AOAH: variants seen among roughly 807,000 people sequenced by gnomAD.
AOAH encodes acyloxyacyl hydrolase (neutrophil).
Under a neutral mutation model 92.2 loss-of-function variants are expected in AOAH, and 64 were observed. The observed-to-expected ratio is 0.69, with a 90% CI of 0.57 to 0.86. The LOEUF is 0.86. Ranked by LOEUF, AOAH falls within the 40% of genes least tolerant of loss-of-function variation. The probability of loss-of-function intolerance (pLI) is 0.00; values close to 1 mark genes in which losing one functional copy is unlikely to be tolerated. For missense variants in AOAH, 656 were observed against 694.6 expected, an observed-to-expected ratio of 0.94 and a Z score of 0.62; for synonymous variants, 263 against 254.5, an observed-to-expected ratio of 1.03 and a Z score of -0.32.
Position 36,724,022 on chromosome 7 carries a change from C to A in AOAH, c.127G>T (p.Gly43Trp). The change falls in exon 1 of 21, where the codon GGG becomes TGG. Residue 43 changes from glycine to tryptophan, a missense_variant and splice_region_variant. Gly to Trp is a radical substitution (Grantham distance 184, BLOSUM62 -2). Coordinates refer to ENST00000617537, the MANE Select transcript of AOAH (RefSeq NM_001637.4). ...AATACAAAAATATTTATTTGCATAC[C>A]TACACAGGTGTGCCCATTCGAGAGG... The part of the protein sequence containing the change: ...PSLSNGHTCV[G>W]CVLVVSVIEQ... 5 of 1,613,000 alleles carry A rather than the reference C, an allele frequency of 3.1e-6. No homozygotes were observed. The highest frequency in any genetic ancestry group is 4.2e-6 in the Non-Finnish European group (5 of 1,179,396).
chr7:36,596,586 A>G (rs1343217303), intron 11 of AOAH, among the ~76,000 whole-genome samples: 1 of 152,186 alleles, frequency 6.6e-6, no homozygotes, highest in Non-Finnish European at 1.5e-5. Context: ...AAGGCCGTGC[A>G]ATGGTGGAGG....
At chr7:36,578,366 A>C (rs888174194) in intron 12 of AOAH, among the ~76,000 whole-genome samples, 1 of 152,238 alleles carries the variant, frequency 6.6e-6, no homozygotes, top group African/African-American at 2.4e-5. Flanking sequence ...GAAAGTTCTA[A>C]ATTCTATGAA....
At chr7:36,717,751 T>G (rs1285713075) in intron 1 of AOAH, among the ~76,000 whole-genome samples, 1 of 137,502 alleles carries the variant, frequency 7.3e-6, no homozygotes, top group Non-Finnish European at 1.6e-5. Context: ...TTGCTTAGCC[T>G]AGTTTAAGTT....
chr7:36,553,263 T>G (rs1193792601), intron 13 of AOAH, among the ~76,000 whole-genome samples: 2 of 151,936 alleles, frequency 1.3e-5, no homozygotes, highest in African/African-American at 4.8e-5. Context: ...AATGATGATT[T>G]CCAATTTCAT....
chr7:36,540,316 T>C lies in AOAH; in HGVS notation c.1306+3A>G, dbSNP rs1179641767. 2 of 1,608,688 alleles carry C rather than the reference T, an allele frequency of 1.2e-6. No homozygotes were observed. Among genetic ancestry groups the C allele is most frequent in the Non-Finnish European group, 1.7e-6 (2 of 1,176,956 alleles). ...AAGAGTAAAAGAATCTTCAAACTGA[T>C]ACCGAGAGGATGATATCTGTTGTGC... On this transcript the variant is annotated splice_donor_region_variant and intron_variant, in intron 16 of 20. Coordinates refer to ENST00000617537, the MANE Select transcript of AOAH (RefSeq NM_001637.4).
intron 13 of AOAH, among the ~76,000 whole-genome samples, chr7:36,566,423 G>T (rs1234965456): frequency 6.6e-6 from 1 of 150,404 alleles, no homozygotes; most frequent in Non-Finnish European, 1.5e-5. Context: ...ATGAGGACTG[G>T]CAGAGGGCTG....
intron 13 of AOAH, among the ~76,000 whole-genome samples, chr7:36,550,494 C>A (rs1266490626): frequency 2.6e-5 from 4 of 152,142 alleles, no homozygotes; most frequent in African/African-American, 9.7e-5. Context: ...AATTAGGAAA[C>A]TGAGGCCCAC....
chr7:36,562,703 C>T (rs1286113114), intron 13 of AOAH, among the ~76,000 whole-genome samples: 1 of 152,130 alleles, frequency 6.6e-6, no homozygotes, highest in Non-Finnish European at 1.5e-5. Context: ...TCCAAAGATC[C>T]TCCCTTCCCA....
intron 6 of AOAH, among the ~76,000 whole-genome samples, chr7:36,631,350 C>CAA (rs149488709): frequency 3.3e-4 from 44 of 131,726 alleles, no homozygotes; most frequent in East Asian, 3.1e-3. Flanking sequence ...TCCATCATCT[C>CAA]AAAAAAAAAA....
At chr7:36,650,133 AAGCGGCCCACCACCG>A (rs1439538582) in intron 4 of AOAH, among the ~76,000 whole-genome samples, 113 of 148,454 alleles carry the variant, frequency 7.6e-4, no homozygotes, top group African/African-American at 2.9e-3. Flanking sequence ...ACCGTCTTGG[AAGCGGCCCACCACCG>A]TCTTGGAAGT....
chr7:36,720,322 G>A (rs1052072270), intron 1 of AOAH, among the ~76,000 whole-genome samples: 3 of 143,800 alleles, frequency 2.1e-5, no homozygotes, highest in Non-Finnish European at 4.6e-5. Flanking sequence ...GCTAATTTTT[G>A]TATATCTATA....
At chr7:36,615,607 T>C (rs1462385217) in intron 11 of AOAH, among the ~76,000 whole-genome samples, 5 of 152,176 alleles carry the variant, frequency 3.3e-5, no homozygotes, top group Non-Finnish European at 2.9e-5. Flanking sequence ...GCTCCCACCC[T>C]TTGCCACACA....
At chr7:36,691,219 T>C (rs1306267733) in intron 1 of AOAH, among the ~76,000 whole-genome samples, 1 of 152,222 alleles carries the variant, frequency 6.6e-6, no homozygotes, top group Non-Finnish European at 1.5e-5. Context: ...ATTATTACTC[T>C]CATTTTACAG....
chr7:36,658,712 C>A (rs562091385), intron 4 of AOAH, among the ~76,000 whole-genome samples: 235 of 152,296 alleles, frequency 1.5e-3, no homozygotes, highest in African/African-American at 5.5e-3. Context: ...GGTAGTTTAT[C>A]ATAACCCATT....
At chr7:36,691,812 A>C (rs1303084730) in intron 1 of AOAH, among the ~76,000 whole-genome samples, 1 of 152,192 alleles carries the variant, frequency 6.6e-6, no homozygotes, top group Non-Finnish European at 1.5e-5. Context: ...AGGAAGGGAC[A>C]GTGTGTCAGA....
chr7:36,632,257 G>A, intron 5 of AOAH, 151 bp from the exon 6 acceptor site: 1 of 665,744 alleles, frequency 1.5e-6, no homozygotes, highest in Non-Finnish European at 2.6e-6. Flanking sequence ...TCTTGTTCCT[G>A]TCCCCACCAT....
intron 15 of AOAH, among the ~76,000 whole-genome samples, chr7:36,545,493 C>A (rs968821391): frequency 1.3e-5 from 2 of 152,146 alleles, no homozygotes; most frequent in African/African-American, 2.4e-5. Context: ...GTCAGTGCCT[C>A]GGCTGGCTTC....
intron 11 of AOAH, among the ~76,000 whole-genome samples, chr7:36,597,135 G>A (rs972067911): frequency 4.6e-5 from 7 of 152,074 alleles, no homozygotes; most frequent in Admixed American, 2.0e-4. Flanking sequence ...GAAGTATGGC[G>A]TCCTGGGATG....
chr7:36,542,762 A>T (rs1421450349), intron 15 of AOAH, among the ~76,000 whole-genome samples: 1 of 152,228 alleles, frequency 6.6e-6, no homozygotes, highest in Non-Finnish European at 1.5e-5. Flanking sequence ...AAATTATGGT[A>T]CACCCATGCA....
Sources: gnomAD v4.1 joint callset for allele counts (sites outside exome capture counted in the v4.1 genomes callset) on GRCh38, gnomAD v4.1.1 for gene constraint, MANE v1.5 for transcripts, NCBI Gene and HGNC (gene_info 2026-07-23, HGNC 2026-07-21) for gene names.